SYT1: variants seen among roughly 807,000 people sequenced by gnomAD.
SYT1 encodes synaptotagmin 1, also known as synaptotagmin-1.
A neutral mutation model predicts 44.8 loss-of-function variants in SYT1; 8 were observed. That is an observed-to-expected ratio of 0.18 (90% CI 0.10 to 0.32). The LOEUF is 0.32. SYT1 is among the 10% of genes least tolerant of loss of function. The pLI is 1.00. For missense variants in SYT1, 286 were observed against 509.3 expected (o/e 0.56, Z 4.22); for synonymous variants, 154 against 188.8 (o/e 0.82, Z 1.51).
At chr12:78,900,989 T>G (rs1480613604) in intron 1 of SYT1, among the ~76,000 whole-genome samples, 1 of 152,156 alleles carries the variant, frequency 6.6e-6, no homozygotes, top group Non-Finnish European at 1.5e-5. Context: ...CATTTTTCAG[T>G]TATTTCAAAA....
At chr12:79,132,246 T>C (rs7968978) in intron 3 of SYT1, among the ~76,000 whole-genome samples, 22,697 of 151,958 alleles carry the variant, frequency 0.15, 1,848 homozygotes, top group African/African-American at 0.2. Flanking sequence ...GTCAGAAATT[T>C]GAGGCAAACC....
chr12:79,280,879 A>C (rs1189933887), intron 4 of SYT1, among the ~76,000 whole-genome samples: 5 of 152,000 alleles, frequency 3.3e-5, no homozygotes, highest in African/African-American at 1.2e-4. Flanking sequence ...ACAAGTGGCC[A>C]ACAAACATAT....
In SYT1 at chr12:79,198,361, T is replaced by A. The variant is rs78376588; in HGVS notation, c.-17-19142T>A. Among the ~76,000 whole-genome samples, 384 of 152,312 alleles carry A rather than the reference T, an allele frequency of 2.5e-3. 5 individuals carry two copies. In the East Asian group the frequency reaches 0.031, roughly 12 times the overall value. Reference sequence around the variant, plus strand: ...TGAACTTGTCAGTATTGCTTTGCTCTCTTGCTAATATTCTAATTTCTGTTT... The same window carrying A: ...TGAACTTGTCAGTATTGCTTTGCTCACTTGCTAATATTCTAATTTCTGTTT... On this transcript the variant is annotated intron_variant, in intron 3 of 10. Coordinates refer to ENST00000261205, the MANE Select transcript of SYT1 (RefSeq NM_005639.3).
At chr12:78,914,563 AG>A (rs1876538158) in intron 1 of SYT1, among the ~76,000 whole-genome samples, 1 of 152,018 alleles carries the variant, frequency 6.6e-6, no homozygotes. Flanking sequence ...GATGATAGAT[AG>A]GTAGATAGGT....
chr12:79,327,009 G>T (rs906470119), intron 8 of SYT1, among the ~76,000 whole-genome samples: 1 of 152,036 alleles, frequency 6.6e-6, no homozygotes, highest in Admixed American at 6.6e-5. Context: ...ACTGCAATCA[G>T]AAATCAAATT....
chr12:79,288,914 C>T (rs1270852976), intron 5 of SYT1, among the ~76,000 whole-genome samples: 1 of 152,094 alleles, frequency 6.6e-6, no homozygotes. Context: ...CCTGGGGCTC[C>T]ACAGCTGAGG....
At chr12:79,054,214 G>A (rs1195075965) in intron 3 of SYT1, among the ~76,000 whole-genome samples, 4 of 151,978 alleles carry the variant, frequency 2.6e-5, no homozygotes, top group African/African-American at 7.2e-5. Flanking sequence ...TCAACTAAAC[G>A]GGGACAACTA....
chr12:78,969,467 G>A (rs978981330), intron 1 of SYT1, among the ~76,000 whole-genome samples: 9 of 152,218 alleles, frequency 5.9e-5, no homozygotes, highest in African/African-American at 2.2e-4. Context: ...AACATATCTT[G>A]GTTGGGCTTC....
intron 9 of SYT1, among the ~76,000 whole-genome samples, chr12:79,429,298 C>CT (rs939814506): frequency 6.6e-6 from 1 of 151,948 alleles, no homozygotes; most frequent in African/African-American, 2.4e-5. Flanking sequence ...CCTCCACCTC[C>CT]TAGGTTCAAG....
rs1030254500 is a variant in SYT1 at position 79,341,606 on chromosome 12, A to G, written c.811-11896A>G. Among the ~76,000 whole-genome samples the G allele has an allele frequency of 5.9e-5, 9 of 151,334 alleles. No individual in the cohort carries two copies. In the East Asian group the frequency reaches 1.7e-3, roughly 29 times the overall value. On this transcript the variant is annotated intron_variant, in intron 8 of 10. Transcript: ENST00000261205. ...GAAGAGCGTGGACTTTTGGTAAACT[A>G]CAGAGACTCTGGCAGTCTCTGCCAG... is the stretch of plus-strand genomic sequence containing the variant.
chr12:78,981,111 T>C (rs903825351), intron 2 of SYT1, among the ~76,000 whole-genome samples: 2 of 151,382 alleles, frequency 1.3e-5, no homozygotes, highest in Non-Finnish European at 1.5e-5. Context: ...TGTTGTTGTT[T>C]TGTTTGTTTC....
At chr12:78,995,969 T>C (rs892569775) in intron 2 of SYT1, 1 of 152,240 alleles carries the variant, frequency 6.6e-6, no homozygotes, top group African/African-American at 2.4e-5. Flanking sequence ...TTTTTCTACG[T>C]AACATTACTC....
chr12:78,867,248 T>A (rs1210348241), intron 1 of SYT1, among the ~76,000 whole-genome samples: 1 of 152,106 alleles, frequency 6.6e-6, no homozygotes, highest in Non-Finnish European at 1.5e-5. Flanking sequence ...AAATTAAGAT[T>A]TTGTTTTCTC....
At chr12:79,202,674 C>T (rs1178207526) in intron 3 of SYT1, among the ~76,000 whole-genome samples, 2 of 152,140 alleles carry the variant, frequency 1.3e-5, no homozygotes, top group African/African-American at 4.8e-5. Context: ...TTGTAGAGTA[C>T]TCCTAGTAGA....
chr12:79,021,993 C>T (rs117262433), intron 2 of SYT1, among the ~76,000 whole-genome samples: 2,708 of 151,506 alleles, frequency 0.018, 32 homozygotes, highest in Non-Finnish European at 0.027. Flanking sequence ...TTTTTTCCCA[C>T]TGAGGACAGT....
chr12:79,018,161 G>A lies in SYT1; in HGVS notation c.-83-29136G>A, dbSNP rs567677020. 5.9e-5 allele frequency among the ~76,000 whole-genome samples: 9 copies of A among 151,854 alleles called. No individual in the cohort carries two copies. The East Asian group carries it at 1.6e-3, about 26-fold the overall frequency. On this transcript the variant is annotated intron_variant, in intron 2 of 10. Transcript: ENST00000261205. ...CATATACACCATGGAATACTATGCA[G>A]CCATAAAAAATGATGAGTTCATGTC...
intron 1 of SYT1, among the ~76,000 whole-genome samples, chr12:78,871,873 T>C (rs1031539123): frequency 3.9e-5 from 6 of 151,962 alleles, no homozygotes; most frequent in African/African-American, 9.7e-5. Context: ...AGACCTCTTC[T>C]ATAAATAGCA....
At chr12:79,257,909 G>A (rs1420674352) in intron 4 of SYT1, among the ~76,000 whole-genome samples, 1 of 152,112 alleles carries the variant, frequency 6.6e-6, no homozygotes, top group Non-Finnish European at 1.5e-5. Flanking sequence ...ACTGTATATA[G>A]TGGGTTAAAA....
intron 4 of SYT1, among the ~76,000 whole-genome samples, chr12:79,285,090 C>T (rs986071357): frequency 1.3e-5 from 2 of 152,156 alleles, no homozygotes; most frequent in African/African-American, 2.4e-5. Context: ...AACACATGAG[C>T]ATCACCCACA....
Sources: allele counts gnomAD v4.1 joint callset (sites outside exome capture counted in the v4.1 genomes callset), GRCh38; gene constraint gnomAD v4.1.1; transcripts MANE v1.5; gene names NCBI Gene and HGNC (gene_info 2026-07-23, HGNC 2026-07-21).